COBLL1: variants seen among roughly 807,000 people sequenced by gnomAD.
The protein encoded by COBLL1 is cordon-bleu WH2 repeat protein like 1.
COBLL1 carries 50 observed loss-of-function variants against 94.8 expected under a neutral mutation model. The ratio of observed to expected loss-of-function variants is 0.53; its 90% CI spans 0.42 to 0.67. The LOEUF (loss-of-function observed/expected upper bound fraction) is 0.67, where lower values mean the gene tolerates loss of function less well. COBLL1 is among the 30% of genes least tolerant of loss of function. The pLI is 0.00. For missense variants in COBLL1, 1,362 were observed against 1,348.7 expected, an observed-to-expected ratio of 1.01 and a Z score of -0.15; for synonymous variants, 448 against 473.8, an observed-to-expected ratio of 0.95 and a Z score of 0.71.
chr2:164,735,072 A>C lies in COBLL1; in HGVS notation c.231-4957T>G, dbSNP rs371055191. 5.9e-5 allele frequency among the ~76,000 whole-genome samples: 9 copies of C among 152,154 alleles called. No homozygotes were observed. In the East Asian group the frequency reaches 1.7e-3, roughly 29 times the overall value. On this transcript the variant is annotated intron_variant, in intron 3 of 13. Coordinates refer to ENST00000652658, the MANE Select transcript of COBLL1 (RefSeq NM_001365672.2). The stretch of plus-strand genomic sequence containing the variant: ...TACTTAGATCTTAAGCAGCAGAGTG[A>C]CCTCAAGAAGTTAACTGGGTTCTGT...
intron 2 of COBLL1, among the ~76,000 whole-genome samples, chr2:164,756,943 C>G (rs1687441511): frequency 6.6e-6 from 1 of 152,144 alleles, no homozygotes; most frequent in African/African-American, 2.4e-5. Flanking sequence ...TCCTGCCTCT[C>G]AAGGTTGCTG....
intron 2 of COBLL1, among the ~76,000 whole-genome samples, chr2:164,830,244 G>C (rs1683012042): frequency 6.6e-6 from 1 of 152,078 alleles, no homozygotes; most frequent in Non-Finnish European, 1.5e-5. Context: ...AATATCCATG[G>C]GATGCCAGAA....
intron 3 of COBLL1, among the ~76,000 whole-genome samples, chr2:164,739,529 T>C (rs910295198): frequency 2.6e-5 from 4 of 152,200 alleles, no homozygotes; most frequent in African/African-American, 9.7e-5. Context: ...GATAGTATTC[T>C]TCACAATAAA....
At chr2:164,702,389 C>T (rs921691060) in intron 9 of COBLL1, among the ~76,000 whole-genome samples, 5 of 151,326 alleles carry the variant, frequency 3.3e-5, no homozygotes, top group African/African-American at 7.3e-5. Flanking sequence ...TAGTGAAACC[C>T]CGTCTCTACT....
chr2:164,661,549 T>G (rs1290449409), intron 2 of COBLL1, among the ~76,000 whole-genome samples: 1 of 152,154 alleles, frequency 6.6e-6, no homozygotes, highest in East Asian at 1.9e-4. Context: ...AAACATGATG[T>G]AATTTAGTGG....
rs142479196 is a variant in COBLL1 at position 164,808,429 on chromosome 2, A to T, written c.41+32727T>A. Among the ~76,000 whole-genome samples, 65 of 152,290 alleles carry T rather than the reference A, an allele frequency of 4.3e-4. 1 individual carries two copies. The highest frequency in any genetic ancestry group is 3.4e-3 in the Middle Eastern group (1 of 294). On this transcript the variant is annotated intron_variant, in intron 2 of 13. Coordinates refer to ENST00000652658, the MANE Select transcript of COBLL1 (RefSeq NM_001365672.2). ...TCTGTCTCCTTTTGTTTTCATCATC[A>T]GTGCTTACCGTTAGTCCAACACATT...
intron 2 of COBLL1, chr2:164,771,908 T>C (rs1384012244): frequency 1.3e-5 from 2 of 151,462 alleles, no homozygotes; most frequent in African/African-American, 2.4e-5. Flanking sequence ...ATATTGAATG[T>C]ATAATGAGTC....
At chr2:164,825,817 G>A (rs1007281927) in intron 2 of COBLL1, among the ~76,000 whole-genome samples, 2 of 152,174 alleles carry the variant, frequency 1.3e-5, no homozygotes, top group Non-Finnish European at 2.9e-5. Context: ...CTGAGAGATG[G>A]AGGAGTCAGA....
intron 2 of COBLL1, among the ~76,000 whole-genome samples, chr2:164,819,000 G>A (rs985947527): frequency 6.6e-6 from 1 of 151,690 alleles, no homozygotes; most frequent in Non-Finnish European, 1.5e-5. Context: ...TGAACTTGTG[G>A]CCTCAAGGGA....
intron 13 of COBLL1, among the ~76,000 whole-genome samples, chr2:164,691,317 T>G (rs1019412538): frequency 1.3e-5 from 2 of 152,228 alleles, no homozygotes; most frequent in African/African-American, 4.8e-5. Context: ...AGGTTTAATT[T>G]CTGTTGAGCT....
rs144214047 is a variant in COBLL1 at position 164,823,426 on chromosome 2, T to C, written c.41+17730A>G. The stretch of plus-strand genomic sequence containing the variant: ...AATCTAACTCTCCCTGTTAAATCGA[T>C]CCCTGTCCACAGGCCCAGTTTCTTC... On this transcript the variant is annotated intron_variant, in intron 2 of 13. Transcript: ENST00000652658. Among the ~76,000 whole-genome samples, 8 of 152,280 alleles carry C rather than the reference T, an allele frequency of 5.3e-5. 1 individual carries two copies. Among genetic ancestry groups the C allele is most frequent in the Non-Finnish European group, 1.0e-4 (7 of 68,016 alleles).
At chr2:164,792,588 C>T (rs1466799275) in intron 2 of COBLL1, among the ~76,000 whole-genome samples, 1 of 152,154 alleles carries the variant, frequency 6.6e-6, no homozygotes, top group Non-Finnish European at 1.5e-5. Flanking sequence ...AATTACTTAA[C>T]CTCCAAGCCT....
At chr2:164,692,839 A>G (rs941081129) in intron 12 of COBLL1, 1 of 153,320 alleles carries the variant, frequency 6.5e-6, no homozygotes, top group Non-Finnish European at 1.5e-5. Flanking sequence ...AGACAATGTC[A>G]TATTTGTTGA....
At chr2:164,755,938 C>A (rs355827) in intron 2 of COBLL1, among the ~76,000 whole-genome samples, 35,228 of 152,018 alleles carry the variant, frequency 0.23, 4,744 homozygotes, top group African/African-American at 0.37. Context: ...CATTTCAGAC[C>A]TTTAATAGAC....
intron 3 of COBLL1, among the ~76,000 whole-genome samples, chr2:164,737,128 C>T (rs1337179128): frequency 3.9e-5 from 6 of 152,082 alleles, no homozygotes; most frequent in Non-Finnish European, 7.4e-5. Flanking sequence ...CACCACTGCA[C>T]TCCAGCCTGG....
chr2:164,760,162 G>A (rs1687609735), intron 2 of COBLL1, among the ~76,000 whole-genome samples: 1 of 152,118 alleles, frequency 6.6e-6, no homozygotes, highest in Non-Finnish European at 1.5e-5. Context: ...GCTCCCATGG[G>A]AGAAACAATA....
intron 2 of COBLL1, among the ~76,000 whole-genome samples, chr2:164,831,553 A>G (rs917450056): frequency 4.0e-5 from 6 of 151,256 alleles, no homozygotes; most frequent in African/African-American, 1.5e-4. Flanking sequence ...TTTTGCTTTA[A>G]GTTAAAGCAC....
chr2:164,711,988 G>A (rs909077584), intron 7 of COBLL1, among the ~76,000 whole-genome samples: 3 of 152,036 alleles, frequency 2.0e-5, no homozygotes, highest in African/African-American at 7.2e-5. Context: ...ATACCACAAG[G>A]AGAAACAGAA....
chr2:164,745,173 A>G (rs1574508598), intron 2 of COBLL1, among the ~76,000 whole-genome samples: 3 of 152,300 alleles, frequency 2.0e-5, no homozygotes, highest in Admixed American at 6.5e-5. Context: ...GGTATTTTCA[A>G]AATTTAAGGT....
Sources: allele counts gnomAD v4.1 joint callset (sites outside exome capture counted in the v4.1 genomes callset), GRCh38; gene constraint gnomAD v4.1.1; transcripts MANE v1.5; gene names NCBI Gene and HGNC (gene_info 2026-07-23, HGNC 2026-07-21).